ADGRG6: variants seen among roughly 807,000 people sequenced by gnomAD.
ADGRG6 encodes adhesion G protein-coupled receptor G6.
A neutral mutation model predicts 142.4 loss-of-function variants in ADGRG6; 84 were observed. The ratio of observed to expected loss-of-function variants is 0.59; its 90% CI spans 0.49 to 0.71. The LOEUF is 0.71. ADGRG6 is among the 30% of genes least tolerant of loss of function. The pLI is 0.00. For synonymous variants in ADGRG6, 521 were observed against 520.5 expected, an observed-to-expected ratio of 1.00 and a Z score of -0.01; for missense variants, 1,367 against 1,466.6, an observed-to-expected ratio of 0.93 and a Z score of 1.11.
chr6:142,335,994 A>G (rs1779291383), intron 2 of ADGRG6, among the ~76,000 whole-genome samples: 1 of 152,180 alleles, frequency 6.6e-6, no homozygotes, highest in African/African-American at 2.4e-5. Flanking sequence ...GGGTGGCCAT[A>G]TAATTTTGTA....
In ADGRG6 at chr6:142,418,296, A is replaced by G. The variant is rs914787165; in HGVS notation, c.3035+927A>G. Reference sequence around the variant, plus strand: ...TGGGCAACAGAGTGAGACTCCATCTAAAAAAAAAAAAAAAAAAAAAAACCC... The same window carrying G: ...TGGGCAACAGAGTGAGACTCCATCTGAAAAAAAAAAAAAAAAAAAAAACCC... On this transcript the variant is annotated intron_variant, in intron 21 of 24. Coordinates refer to ENST00000367609, the MANE Select transcript of ADGRG6 (RefSeq NM_198569.3). Among the ~76,000 whole-genome samples, 9 of 115,808 alleles carry G rather than the reference A, an allele frequency of 7.8e-5. No individual in the cohort carries two copies. The East Asian group carries it at 1.8e-3, about 23-fold the overall frequency. The allele number at this position is 115,808 out of a possible 152,430, so 76.0% of individuals were successfully genotyped here. A position where few individuals can be genotyped will look rare whatever the true frequency, so the allele number is the denominator to read the frequency against.
intron 2 of ADGRG6, among the ~76,000 whole-genome samples, chr6:142,311,383 C>G (rs543990370): frequency 6.6e-6 from 1 of 151,988 alleles, no homozygotes; most frequent in African/African-American, 2.4e-5. Flanking sequence ...AATAATGACT[C>G]ATTTAAAATG....
chr6:142,368,960 TTG>T (rs149048915), intron 3 of ADGRG6, among the ~76,000 whole-genome samples: 2,124 of 152,264 alleles, frequency 0.014, 51 homozygotes, highest in African/African-American at 0.048. Flanking sequence ...CTGGTTCATA[TTG>T]TGTCTCTTTG....
intron 15 of ADGRG6, among the ~76,000 whole-genome samples, chr6:142,407,165 C>T (rs1369512950): frequency 1.7e-5 from 2 of 117,706 alleles, no homozygotes; most frequent in Non-Finnish European, 3.3e-5. Context: ...TGAGACCCGT[C>T]TCTTTAAAAA....
chr6:142,335,596 A>C (rs1779272330), intron 2 of ADGRG6, among the ~76,000 whole-genome samples: 1 of 152,170 alleles, frequency 6.6e-6, no homozygotes, highest in South Asian at 2.1e-4. Flanking sequence ...GAAGTGGTGC[A>C]TGGAACAGAG....
At position 142,438,461 on chromosome 6, in the gene ADGRG6, G is replaced by T. The variant is rs922052131; in HGVS notation, c.3574+97G>T. On this transcript the variant is annotated intron_variant, in intron 24 of 24. Transcript: ENST00000367609. Reference sequence around the variant, plus strand: ...TTGATAAATCACAGTGCCTAAGAGGGTGCATCTTTTAGATTTATGAAAATA... The same window carrying T: ...TTGATAAATCACAGTGCCTAAGAGGTTGCATCTTTTAGATTTATGAAAATA... The T allele has an allele frequency of 2.4e-5, 15 of 636,592 alleles. No homozygotes were observed. The African/African-American group carries it at 2.4e-4, about 10-fold the overall frequency. 39.4% of individuals were successfully genotyped at this position (636,592 alleles called of 1,614,324 possible).
At chr6:142,396,272 A>G (rs1444049147) in intron 9 of ADGRG6, among the ~76,000 whole-genome samples, 2 of 152,182 alleles carry the variant, frequency 1.3e-5, no homozygotes, top group Non-Finnish European at 2.9e-5. Flanking sequence ...TTGTTAAGCT[A>G]TCATAGTCAC....
chr6:142,407,060 C>T (rs569322596), intron 15 of ADGRG6, among the ~76,000 whole-genome samples: 4 of 151,184 alleles, frequency 2.6e-5, no homozygotes, highest in South Asian at 2.1e-4. Flanking sequence ...TCTGGCCAGG[C>T]GCAGTGCCTC....
chr6:142,431,475 AT>A (rs1458902640), intron 22 of ADGRG6, among the ~76,000 whole-genome samples: 2 of 152,132 alleles, frequency 1.3e-5, no homozygotes, highest in African/African-American at 4.8e-5. Context: ...GGGCCATTTT[AT>A]TTCTACCTTT....
At chr6:142,379,975 A>G (rs1205673542) in intron 4 of ADGRG6, among the ~76,000 whole-genome samples, 2 of 152,152 alleles carry the variant, frequency 1.3e-5, no homozygotes, top group Non-Finnish European at 2.9e-5. Context: ...CAACCAATAC[A>G]TGTAAGATTT....
At chr6:142,366,633 T>TGGTGC in intron 2 of ADGRG6, among the ~76,000 whole-genome samples, 1 of 152,062 alleles carries the variant, frequency 6.6e-6, no homozygotes, top group East Asian at 1.9e-4. Context: ...TGCACACCTG[T>TGGTGC]AATCCTAGCT....
chr6:142,385,493 G>GT (rs147620086), intron 6 of ADGRG6, among the ~76,000 whole-genome samples: 18 of 151,832 alleles, frequency 1.2e-4, no homozygotes, highest in Admixed American at 7.9e-4. Context: ...TATTTACTAT[G>GT]TTTTTTTTCC....
chr6:142,377,285 G>A (rs1054968414), intron 4 of ADGRG6, among the ~76,000 whole-genome samples: 1 of 152,160 alleles, frequency 6.6e-6, no homozygotes, highest in Non-Finnish European at 1.5e-5. Flanking sequence ...AAAGTGAGAC[G>A]GAGGCCTGCC....
At chr6:142,313,990 T>C (rs1041431682) in intron 2 of ADGRG6, among the ~76,000 whole-genome samples, 3 of 152,160 alleles carry the variant, frequency 2.0e-5, no homozygotes, top group African/African-American at 4.8e-5. Flanking sequence ...ATGATAAATG[T>C]GTGTATGTGT....
intron 2 of ADGRG6, among the ~76,000 whole-genome samples, chr6:142,326,349 G>A (rs116227775): frequency 0.011 from 1,728 of 151,446 alleles, 38 homozygotes; most frequent in African/African-American, 0.04. Context: ...ATTTCTAGTT[G>A]TGTTTCCCTT....
chr6:142,431,582 G>T (rs80347943), intron 22 of ADGRG6, among the ~76,000 whole-genome samples: 4 of 152,066 alleles, frequency 2.6e-5, no homozygotes, highest in African/African-American at 9.7e-5. Flanking sequence ...CAGAAAGCTA[G>T]AACAGCATAT....
chr6:142,401,766 T>C (rs1583097624), intron 11 of ADGRG6, among the ~76,000 whole-genome samples: 1 of 151,806 alleles, frequency 6.6e-6, no homozygotes, highest in East Asian at 1.9e-4. Context: ...ATTGTATAGA[T>C]AGGGTGATAA....
intron 22 of ADGRG6, among the ~76,000 whole-genome samples, chr6:142,430,020 C>T (rs778970426): frequency 6.6e-6 from 1 of 152,108 alleles, no homozygotes; most frequent in Non-Finnish European, 1.5e-5. Context: ...TACTGCACTC[C>T]AGCCTGGGTG....
At chr6:142,380,784 T>G (rs1007091564) in intron 4 of ADGRG6, among the ~76,000 whole-genome samples, 20 of 152,196 alleles carry the variant, frequency 1.3e-4, no homozygotes, top group Non-Finnish European at 2.9e-5. Flanking sequence ...AGCACTTCCC[T>G]AATAGCACTT....
Sources: allele counts gnomAD v4.1 joint callset (sites outside exome capture counted in the v4.1 genomes callset), GRCh38; gene constraint gnomAD v4.1.1; transcripts MANE v1.5; gene names NCBI Gene and HGNC (gene_info 2026-07-23, HGNC 2026-07-21).